Variants in CEP95 observed in about 807,000 individuals in gnomAD.
CEP95 encodes centrosomal protein 95.
A neutral mutation model predicts 111.2 loss-of-function variants in CEP95; 98 were observed. That is an observed-to-expected ratio of 0.88 (90% CI 0.75 to 1.04). CEP95 has a LOEUF of 1.04. Ranked by LOEUF, CEP95 falls within the 50% of genes least tolerant of loss-of-function variation. The pLI is 0.00. For missense variants in CEP95, 1,027 were observed against 977.2 expected (o/e 1.05, Z -0.68); for synonymous variants, 323 against 327.1 (o/e 0.99, Z 0.14).
At chr17:64,528,582 A>G (rs1229837229) in intron 11 of CEP95, among the ~76,000 whole-genome samples, 12 of 152,352 alleles carry the variant, frequency 7.9e-5, no homozygotes, top group African/African-American at 2.9e-4. Context: ...TAGAATTTGA[A>G]ATGTGAAAGA....
In CEP95 at chr17:64,522,879, A is replaced by T; in HGVS notation, c.893A>T (p.His298Leu). 6.2e-7 allele frequency: 1 copy of T among 1,610,364 alleles called. No individual in the cohort carries two copies. Among genetic ancestry groups the T allele is most frequent in the Non-Finnish European group, 8.5e-7 (1 of 1,178,468 alleles). The change falls in exon 8 of 20, where the codon CAT becomes CTT. Residue 298 changes from histidine to leucine, a missense_variant. Coordinates refer to ENST00000556440, the MANE Select transcript of CEP95 (RefSeq NM_138363.3). ...CCAGCCGTAAATTCTACTGGAGAGC[A>T]TACGGAATTTTCTGGGGTAAGTGGA... ...CSPAVNSTGE[H>L]TEFSGDLDDG...
rs1555681998 is a variant in CEP95 at position 64,537,815 on chromosome 17, G to T, written c.*36G>T. 1 of 1,401,110 alleles carries T rather than the reference G, an allele frequency of 7.1e-7. No homozygotes were observed. Among genetic ancestry groups the T allele is most frequent in the Non-Finnish European group, 9.7e-7 (1 of 1,035,386 alleles). The allele number at this position is 1,401,110 out of a possible 1,614,324, so 86.8% of individuals were successfully genotyped here. On this transcript the variant is annotated 3_prime_UTR_variant, in exon 20 of 20. Coordinates refer to ENST00000556440, the MANE Select transcript of CEP95 (RefSeq NM_138363.3). ...GATAATAGTAGGTGAAGGTTCTGGA[G>T]GCCTTTACCAGGACAGAGCTAGAAT...
chr17:64,515,387 A>C (rs2039089203), intron 4 of CEP95, among the ~76,000 whole-genome samples: 1 of 152,240 alleles, frequency 6.6e-6, no homozygotes. Flanking sequence ...TTTTAGTAAC[A>C]GGGTTAAGAG....
chr17:64,533,174 GAACAT>G lies in CEP95; in HGVS notation c.1905_1909del (p.His635GlnfsTer12). On this transcript the variant is annotated frameshift_variant, in exon 16 of 20. Coordinates refer to ENST00000556440, the MANE Select transcript of CEP95 (RefSeq NM_138363.3). LOFTEE classifies it high-confidence loss of function. The stretch of plus-strand genomic sequence containing the variant: ...TACTACCCTTGTCAAGAAAGAATAT[GAACAT>G]AACAAGAGACTGGTATGTCAAGAGC... The G allele has an allele frequency of 1.3e-6, 2 of 1,587,514 alleles. No homozygotes were observed. Among genetic ancestry groups the G allele is most frequent in the Non-Finnish European group, 1.7e-6 (2 of 1,173,396 alleles).
chr17:64,537,380 C>T (rs566677166), intron 19 of CEP95: 5 of 1,393,392 alleles, frequency 3.6e-6, no homozygotes, highest in South Asian at 3.7e-5. Flanking sequence ...ATGTATTATA[C>T]CTGTAAAGGG....
intron 10 of CEP95, among the ~76,000 whole-genome samples, chr17:64,526,655 C>T (rs989037121): frequency 2.0e-5 from 3 of 152,166 alleles, no homozygotes; most frequent in Non-Finnish European, 4.4e-5. Flanking sequence ...CACTGATATA[C>T]ACCTTTTTAA....
chr17:64,527,029 C>A, intron 10 of CEP95, 82 bp from the exon 11 acceptor site: 1 of 1,124,852 alleles, frequency 8.9e-7, no homozygotes, highest in Non-Finnish European at 1.3e-6. Flanking sequence ...TCAAAGGAAG[C>A]TTTTTTAAAG....
At chr17:64,535,515 G>A (rs2144550698) in intron 17 of CEP95, 1 of 152,326 alleles carries the variant, frequency 6.6e-6, no homozygotes. Flanking sequence ...CTGCTTTTCT[G>A]AAGGTTGTAA....
chr17:64,532,269 G>A (rs782211441), intron 14 of CEP95: 25 of 1,224,402 alleles, frequency 2.0e-5, no homozygotes, highest in South Asian at 3.0e-5. Flanking sequence ...CTGCTCCAGC[G>A]TTAGCCTCAC....
At position 64,537,034 on chromosome 17, in the gene CEP95, T is replaced by C. The variant is rs1279790283; in HGVS notation, c.2218-7T>C. On this transcript the variant is annotated splice_region_variant and splice_polypyrimidine_tract_variant and intron_variant, in intron 18 of 19. Coordinates refer to ENST00000556440, the MANE Select transcript of CEP95 (RefSeq NM_138363.3). The stretch of plus-strand genomic sequence containing the variant: ...ATAATATTTGTTTTTTTTCTTCCTA[T>C]AAACAGTTTTCATTGCTGGCAGAAG... The C allele has an allele frequency of 2.5e-6, 4 of 1,607,644 alleles. No homozygotes were observed. The African/African-American group carries it at 5.4e-5, about 22-fold the overall frequency.
At chr17:64,537,252 G>C in intron 19 of CEP95, 140 bp downstream of exon 19, 1 of 1,422,782 alleles carries the variant, frequency 7.0e-7, no homozygotes, top group Non-Finnish European at 9.3e-7. Flanking sequence ...CTAGGTTTGT[G>C]TAAGTACACT....
chr17:64,533,714 T>C (rs1255577675), intron 16 of CEP95, among the ~76,000 whole-genome samples: 2 of 152,298 alleles, frequency 1.3e-5, no homozygotes, highest in East Asian at 3.9e-4. Context: ...ATGTTTTCTA[T>C]GAAATGAAAA....
chr17:64,518,518 A>G (rs1282489878), intron 5 of CEP95, among the ~76,000 whole-genome samples: 1 of 152,182 alleles, frequency 6.6e-6, no homozygotes, highest in Non-Finnish European at 1.5e-5. Flanking sequence ...TGCTTCTTTC[A>G]TAGACAAAAA....
chr17:64,522,335 A>G lies in CEP95; in HGVS notation c.716-367A>G, dbSNP rs879961191. Among the ~76,000 whole-genome samples, 33 of 152,048 alleles carry G rather than the reference A, an allele frequency of 2.2e-4. 1 individual carries two copies. The highest frequency in any genetic ancestry group is 3.5e-4 in the Non-Finnish European group (24 of 68,004). ...GTAACTTTCAGGGAACAGTTTTATG[A>G]TAATAACATTAAAATTACATCCGGG... On this transcript the variant is annotated intron_variant, in intron 7 of 19. Coordinates refer to ENST00000556440, the MANE Select transcript of CEP95 (RefSeq NM_138363.3).
At chr17:64,537,178 G>C (rs1177422495) in intron 19 of CEP95, 66 bp downstream of exon 19, 21 of 1,573,124 alleles carry the variant, frequency 1.3e-5, no homozygotes, top group Middle Eastern at 1.7e-4. Flanking sequence ...AAGGGACCTC[G>C]TACATTGGTG....
rs781785406 is a variant in CEP95, at chr17:64,527,197, AACTGAGGAGAC to A, written c.1244_1254del (p.Glu415ValfsTer5). ...CTGGAAATGAGGAGGTAGAGGATGG[AACTGAGGAGAC>A]ACTGTCTCAGCACAGTGATGGCATC... On this transcript the variant is annotated frameshift_variant, in exon 11 of 20. Coordinates refer to ENST00000556440, the MANE Select transcript of CEP95 (RefSeq NM_138363.3). LOFTEE classifies it high-confidence loss of function. The A allele has an allele frequency of 3.7e-6, 6 of 1,613,708 alleles. No individual in the cohort carries two copies. The highest frequency in any genetic ancestry group is 1.3e-5 in the African/African-American group (1 of 74,916).
At chr17:64,522,095 CCT>C (rs1967390063) in intron 7 of CEP95, among the ~76,000 whole-genome samples, 1 of 152,122 alleles carries the variant, frequency 6.6e-6, no homozygotes, top group Admixed American at 6.6e-5. Flanking sequence ...TCGTGATCCG[CCT>C]GCCTCAGCCT....
At chr17:64,516,094 G>T (rs2039127011) in intron 4 of CEP95, 1 of 152,164 alleles carries the variant, frequency 6.6e-6, no homozygotes, top group African/African-American at 2.4e-5. Flanking sequence ...TTGAAATGTT[G>T]CTTGGTGAAT....
In CEP95 at chr17:64,506,991, G is replaced by C. The variant is rs2038570568; in HGVS notation, c.-107G>C. On this transcript the variant is annotated 5_prime_UTR_variant, in exon 1 of 20. Transcript: ENST00000556440. ...TTTCACGCCTCCTTCCCCGCGCTTT[G>C]GTTCGTGCGTCCGCGCCCCAGTGTC... The C allele has an allele frequency of 7.6e-7, 1 of 1,316,426 alleles. No individual in the cohort carries two copies. The highest frequency in any genetic ancestry group is 1.1e-6 in the Non-Finnish European group (1 of 933,562). 81.5% of individuals were successfully genotyped at this position (1,316,426 alleles called of 1,614,324 possible). A position where few individuals can be genotyped will look rare whatever the true frequency, so the allele number is the denominator to read the frequency against.
Sources: allele counts gnomAD v4.1 joint callset (sites outside exome capture counted in the v4.1 genomes callset), GRCh38; gene constraint gnomAD v4.1.1; transcripts MANE v1.5; gene names NCBI Gene and HGNC (gene_info 2026-07-23, HGNC 2026-07-21).